Variants in PCDH9 observed in about 807,000 individuals in gnomAD.
PCDH9 encodes protocadherin-9.
Under a neutral mutation model 70.6 loss-of-function variants are expected in PCDH9, and 24 were observed. That is an observed-to-expected ratio of 0.34 (90% CI 0.25 to 0.48). PCDH9 has a LOEUF of 0.48. Ranked by LOEUF, PCDH9 falls within the 20% of genes least tolerant of loss-of-function variation. The probability of loss-of-function intolerance (pLI) is 0.99; values close to 1 mark genes in which losing one functional copy is unlikely to be tolerated. For synonymous variants in PCDH9, 562 were observed against 558.5 expected, an observed-to-expected ratio of 1.01 and a Z score of -0.09; for missense variants, 1,281 against 1,503.6, an observed-to-expected ratio of 0.85 and a Z score of 2.45.
intron 4 of PCDH9, among the ~76,000 whole-genome samples, chr13:66,480,099 A>G (rs1372065443): frequency 1.3e-5 from 2 of 152,200 alleles, no homozygotes; most frequent in Non-Finnish European, 2.9e-5. Flanking sequence ...AGAAGGAACC[A>G]ACTCCTAACA....
At chr13:66,497,458 T>C (rs941762662) in intron 4 of PCDH9, among the ~76,000 whole-genome samples, 3 of 152,188 alleles carry the variant, frequency 2.0e-5, no homozygotes, top group African/African-American at 7.2e-5. Flanking sequence ...ACTTATGTAG[T>C]TGGATATAAT....
At chr13:67,171,650 TATAAACTA>T (rs2088288784) in intron 2 of PCDH9, among the ~76,000 whole-genome samples, 1 of 152,210 alleles carries the variant, frequency 6.6e-6, no homozygotes, top group Non-Finnish European at 1.5e-5. Context: ...GTGCAGTGCG[TATAAACTA>T]CAAATTTAAG....
chr13:66,607,271 G>T (rs1037702533), intron 4 of PCDH9, among the ~76,000 whole-genome samples: 3 of 152,028 alleles, frequency 2.0e-5, no homozygotes, highest in Non-Finnish European at 2.9e-5. Context: ...ATGTGAAAAT[G>T]ATATGTACTT....
chr13:66,427,766 T>A (rs1016783374), intron 4 of PCDH9, among the ~76,000 whole-genome samples: 1 of 151,688 alleles, frequency 6.6e-6, no homozygotes, highest in Non-Finnish European at 1.5e-5. Flanking sequence ...TGAGTTTTGG[T>A]GTCTTTGTAT....
In PCDH9 at chr13:67,009,751, A is replaced by T. The variant is rs1310283288; in HGVS notation, c.3037-106146T>A. On this transcript the variant is annotated intron_variant, in intron 2 of 4. Transcript: ENST00000377865. ...TGATGGTTAACTGCCTTGCATTGCTACTAGTTCTCTTTTTAAAAATACTTC... is the reference window on the plus strand; with the variant it reads ...TGATGGTTAACTGCCTTGCATTGCTTCTAGTTCTCTTTTTAAAAATACTTC... Among the ~76,000 whole-genome samples, 7 of 151,910 alleles carry T rather than the reference A, an allele frequency of 4.6e-5. No individual in the cohort carries two copies. In the East Asian group the frequency reaches 1.3e-3, roughly 29 times the overall value.
chr13:66,448,366 C>T (rs573551073), intron 4 of PCDH9, among the ~76,000 whole-genome samples: 2 of 152,262 alleles, frequency 1.3e-5, no homozygotes, highest in South Asian at 4.1e-4. Context: ...TGAGTGAATG[C>T]CATGTTTTAC....
At chr13:67,076,830 T>C (rs2085887237) in intron 2 of PCDH9, among the ~76,000 whole-genome samples, 1 of 152,192 alleles carries the variant, frequency 6.6e-6, no homozygotes, top group South Asian at 2.1e-4. Flanking sequence ...TATAGTTTAA[T>C]TTTCCTATTT....
intron 2 of PCDH9, among the ~76,000 whole-genome samples, chr13:67,035,160 T>TGTA (rs1246462794): frequency 6.6e-6 from 1 of 152,168 alleles, no homozygotes; most frequent in African/African-American, 2.4e-5. Flanking sequence ...TAAATAGATC[T>TGTA]TTTGACCAAG....
chr13:66,914,351 A>T (rs941575391), intron 2 of PCDH9: 5 of 151,848 alleles, frequency 3.3e-5, no homozygotes, highest in African/African-American at 1.2e-4. Flanking sequence ...CTTCAAACTA[A>T]TATAACTTCC....
intron 2 of PCDH9, among the ~76,000 whole-genome samples, chr13:67,194,387 A>AT (rs2089003284): frequency 6.7e-6 from 1 of 149,954 alleles, no homozygotes; most frequent in Non-Finnish European, 1.5e-5. Context: ...TTTGTATTTG[A>AT]TTTTCCAGAG....
chr13:66,939,223 T>C (rs565991386), intron 2 of PCDH9, among the ~76,000 whole-genome samples: 2 of 152,206 alleles, frequency 1.3e-5, no homozygotes, highest in African/African-American at 2.4e-5. Context: ...AATATTATTG[T>C]TTTTTCTTAA....
intron 4 of PCDH9, among the ~76,000 whole-genome samples, chr13:66,467,322 G>C (rs1397502474): frequency 6.6e-6 from 1 of 152,048 alleles, no homozygotes; most frequent in African/African-American, 2.4e-5. Context: ...CTGGTCCTCT[G>C]TCATAAAGAC....
chr13:66,424,812 G>C (rs1957640130), intron 4 of PCDH9, among the ~76,000 whole-genome samples: 1 of 151,868 alleles, frequency 6.6e-6, no homozygotes, highest in African/African-American at 2.4e-5. Flanking sequence ...GCAGGTAAGA[G>C]GAACAGGGAT....
intron 2 of PCDH9, among the ~76,000 whole-genome samples, chr13:66,909,774 T>C (rs2082428566): frequency 6.6e-6 from 1 of 152,186 alleles, no homozygotes; most frequent in African/African-American, 2.4e-5. Context: ...TGGCAGTTCA[T>C]GACAAGGAGT....
intron 3 of PCDH9, among the ~76,000 whole-genome samples, chr13:66,646,131 C>T (rs1566478797): frequency 6.6e-6 from 1 of 152,226 alleles, no homozygotes; most frequent in African/African-American, 2.4e-5. Flanking sequence ...CTAGATGTTA[C>T]TGAAACATGT....
intron 2 of PCDH9, among the ~76,000 whole-genome samples, chr13:66,912,090 G>T (rs1010573189): frequency 6.6e-6 from 1 of 152,140 alleles, no homozygotes; most frequent in Admixed American, 6.6e-5. Context: ...GATAAAAGTA[G>T]ATTGACTAAA....
chr13:67,019,713 G>A (rs2084637768), intron 2 of PCDH9, among the ~76,000 whole-genome samples: 1 of 152,096 alleles, frequency 6.6e-6, no homozygotes, highest in South Asian at 2.1e-4. Flanking sequence ...TCAAGCTATG[G>A]TAGACTAAGG....
intron 2 of PCDH9, among the ~76,000 whole-genome samples, chr13:67,083,649 G>A (rs1440977559): frequency 6.6e-6 from 1 of 152,080 alleles, no homozygotes; most frequent in African/African-American, 2.4e-5. Flanking sequence ...ACAGAAAAAC[G>A]AGCTCAGAGC....
chr13:66,737,505 A>G (rs890601460), intron 3 of PCDH9, among the ~76,000 whole-genome samples: 2 of 152,220 alleles, frequency 1.3e-5, no homozygotes, highest in Non-Finnish European at 2.9e-5. Context: ...AAGATGGCCG[A>G]ATAGGAACAG....
Sources: allele counts gnomAD v4.1 joint callset (sites outside exome capture counted in the v4.1 genomes callset), GRCh38; gene constraint gnomAD v4.1.1; transcripts MANE v1.5; gene names NCBI Gene and HGNC (gene_info 2026-07-23, HGNC 2026-07-21).